Variants in S100A2 observed in about 807,000 individuals in gnomAD.
S100A2 encodes the protein protein S100-A2.
S100A2 carries 5 observed loss-of-function variants against 4.3 expected under a neutral mutation model. That is an observed-to-expected ratio of 1.16 (90% confidence interval 0.61 to 2.44). The LOEUF is 2.44. Among genes scored for constraint, S100A2 ranks in the 30% most tolerant of loss-of-function variants. The pLI is 0.01. For missense variants in S100A2, 103 were observed against 114.7 expected (o/e 0.90, Z 0.47); for synonymous variants, 44 against 46.0 (o/e 0.96, Z 0.17).
intron 2 of S100A2, chr1:153,563,372 C>CAAAA: frequency 3.1e-6 from 4 of 1,280,978 alleles, no homozygotes; most frequent in Non-Finnish European, 4.2e-6. Flanking sequence ...AACTCCATCT[C>CAAAA]AAAAAAAAAA....
intron 2 of S100A2, among the ~76,000 whole-genome samples, chr1:153,563,128 CT>C (rs35932716): frequency 0.26 from 40,131 of 151,706 alleles, 6,652 homozygotes; most frequent in Non-Finnish European, 0.37. Flanking sequence ...ACAAAAATCA[CT>C]TTGGGAAGCC....
intron 1 of S100A2, 78 bp from the exon 2 acceptor site, chr1:153,563,965 C>T (rs759894077): frequency 6.9e-7 from 1 of 1,457,744 alleles, no homozygotes; most frequent in Non-Finnish European, 9.3e-7. Context: ...CACTTCTGCC[C>T]TATGCCCCCA....
Position 153,562,467 on chromosome 1 carries a change from G to A in S100A2, c.145-876C>T, listed in dbSNP as rs150683019. Among the ~76,000 whole-genome samples, 114 of 152,076 alleles carry A rather than the reference G, an allele frequency of 7.5e-4. 1 individual carries two copies. Among genetic ancestry groups the A allele is most frequent in the Middle Eastern group, 3.4e-3 (1 of 292 alleles). The stretch of plus-strand genomic sequence containing the variant: ...GAAAAACACTTTTTTAATACTAGCC[G>A]AAATAATTAGAAAAATTTAACCAGC... On this transcript the variant is annotated intron_variant, in intron 2 of 2. Transcript: ENST00000368708.
At chr1:153,564,540 A>G (rs1409796793) in intron 1 of S100A2, among the ~76,000 whole-genome samples, 1 of 152,100 alleles carries the variant, frequency 6.6e-6, no homozygotes, top group East Asian at 1.9e-4. Context: ...GCAACTTAAC[A>G]TTCTCTCCAC....
chr1:153,563,472 T>A (rs1421914773), intron 2 of S100A2: 3 of 1,550,326 alleles, frequency 1.9e-6, no homozygotes, highest in South Asian at 2.4e-5. Flanking sequence ...GTTTCTCAAG[T>A]CTCCAATGAC....
intron 2 of S100A2, 107 bp downstream of exon 2, chr1:153,563,627 G>A (rs1557899404): frequency 1.3e-6 from 2 of 1,572,576 alleles, no homozygotes; most frequent in Non-Finnish European, 8.6e-7. Context: ...AGGGGGCTGG[G>A]CCCCACCCTG....
At chr1:153,563,071 C>T (rs539802420) in intron 2 of S100A2, among the ~76,000 whole-genome samples, 2 of 151,186 alleles carry the variant, frequency 1.3e-5, no homozygotes, top group African/African-American at 4.9e-5. Context: ...GTCAGGAGTT[C>T]GAGACCAGCC....
chr1:153,561,957 G>A (rs767140616), intron 2 of S100A2, among the ~76,000 whole-genome samples: 7 of 152,184 alleles, frequency 4.6e-5, no homozygotes, highest in South Asian at 2.1e-4. Context: ...GGTAGATTCA[G>A]AAAAGAACAC....
intron 1 of S100A2, among the ~76,000 whole-genome samples, chr1:153,564,441 T>C (rs1665963599): frequency 6.6e-6 from 1 of 152,076 alleles, no homozygotes; most frequent in Admixed American, 6.5e-5. Context: ...TCTCTCAGAC[T>C]AGGAGCTCCC....
At chr1:153,563,372 CAAAAA>C in intron 2 of S100A2, 2 of 1,280,994 alleles carry the variant, frequency 1.6e-6, no homozygotes, top group Non-Finnish European at 1.0e-6. Context: ...AACTCCATCT[CAAAAA>C]AAAAAAAAAG....
intron 2 of S100A2, 40 bp downstream of exon 2, chr1:153,563,694 A>G (rs1665945045): frequency 6.3e-7 from 1 of 1,599,248 alleles, no homozygotes; most frequent in East Asian, 2.2e-5. Flanking sequence ...GCACCCCCAC[A>G]CTCACACCAG....
Position 153,563,620 on chromosome 1 carries a change from G to A in S100A2, c.144+114C>T, listed in dbSNP as rs1457381503. On this transcript the variant is annotated intron_variant, in intron 2 of 2. Coordinates refer to ENST00000368708, the MANE Select transcript of S100A2 (RefSeq NM_005978.4). Reference sequence around the variant, plus strand: ...GAGCCATGAAGCTAAAGTGGGGAGGGGGCTGGGCCCCACCCTGGCACCTGC... The same window carrying A: ...GAGCCATGAAGCTAAAGTGGGGAGGAGGCTGGGCCCCACCCTGGCACCTGC... The A allele has an allele frequency of 5.7e-6, 9 of 1,567,862 alleles. No homozygotes were observed. In the South Asian group the frequency reaches 8.1e-5, roughly 14 times the overall value.
chr1:153,561,929 G>A (rs774063365), intron 2 of S100A2, among the ~76,000 whole-genome samples: 3 of 152,220 alleles, frequency 2.0e-5, no homozygotes, highest in Non-Finnish European at 2.9e-5. Flanking sequence ...GAAGGTTGCT[G>A]CTCCCCAACA....
rs1176993601 is a variant in S100A2, at chr1:153,561,549, G to A, written c.187C>T (p.Leu63=). ...EEGLKKLMGS[L]DENSDQQVDF... ...ACCTGCTGGTCACTGTTCTCATCCA[G>A]GCTGCCCATCAGCTTCTTCAGCCCC... Residue 63 remains leucine, a synonymous_variant, in exon 3 of 3, where the codon CTG becomes TTG. Transcript: ENST00000368708. The A allele has an allele frequency of 6.2e-7, 1 of 1,614,008 alleles. No individual in the cohort carries two copies. Among genetic ancestry groups the A allele is most frequent in the African/African-American group, 1.3e-5 (1 of 74,916 alleles).
chr1:153,563,668 G>A, intron 2 of S100A2, 66 bp downstream of exon 2: 4 of 1,590,370 alleles, frequency 2.5e-6, no homozygotes, highest in African/African-American at 2.7e-5. Context: ...CCGGAACTGG[G>A]GGAGAGATTT....
intron 1 of S100A2, 133 bp from the exon 2 acceptor site, chr1:153,564,020 C>T: frequency 2.3e-6 from 2 of 878,890 alleles, no homozygotes; most frequent in Non-Finnish European, 3.4e-6. Flanking sequence ...GCAGGGGCTG[C>T]ATCTCCCCCT....
intron 2 of S100A2, among the ~76,000 whole-genome samples, chr1:153,561,832 G>C (rs1045272796): frequency 2.0e-5 from 3 of 152,268 alleles, no homozygotes; most frequent in Non-Finnish European, 4.4e-5. Context: ...GAGGACACTG[G>C]ATGCTCCTCT....
chr1:153,564,220 G>T, intron 1 of S100A2: 1 of 225,372 alleles, frequency 4.4e-6, no homozygotes, highest in Non-Finnish European at 8.7e-6. Flanking sequence ...GTCCCATTTT[G>T]ATGGCATCTG....
chr1:153,564,927 A>AC (rs1334647099), intron 1 of S100A2, among the ~76,000 whole-genome samples: 1 of 148,562 alleles, frequency 6.7e-6, no homozygotes, highest in East Asian at 2.0e-4. Context: ...CTAGGCCTAG[A>AC]CCCCCAAAGA....
Sources: allele counts gnomAD v4.1 joint callset (sites outside exome capture counted in the v4.1 genomes callset), GRCh38; gene constraint gnomAD v4.1.1; transcripts MANE v1.5; gene names NCBI Gene and HGNC (gene_info 2026-07-23, HGNC 2026-07-21).